The following INAVA variants were observed in gnomAD, a reference collection of about 807,000 sequenced individuals.
INAVA encodes the protein innate immunity activator protein.
Under a neutral mutation model 55.3 loss-of-function variants are expected in INAVA, and 32 were observed. The ratio of observed to expected loss-of-function variants is 0.58; its 90% CI spans 0.44 to 0.78. INAVA has a LOEUF of 0.78. Among genes scored for constraint, INAVA ranks in the 30% least tolerant of loss-of-function variants. The pLI, the probability that INAVA is intolerant of heterozygous loss-of-function variation, is 0.00. For missense variants in INAVA, 756 were observed against 786.4 expected (o/e 0.96, Z 0.46); for synonymous variants, 294 against 329.4 (o/e 0.89, Z 1.16).
chr1:200,896,058 G>C (rs547066993), intron 1 of INAVA, among the ~76,000 whole-genome samples: 1 of 152,182 alleles, frequency 6.6e-6, no homozygotes, highest in Non-Finnish European at 1.5e-5. Flanking sequence ...AGAAGGGGAA[G>C]CTGGCGGAGA....
At chr1:200,911,038 A>G (rs1653691925) in intron 8 of INAVA, among the ~76,000 whole-genome samples, 1 of 136,700 alleles carries the variant, frequency 7.3e-6, no homozygotes, top group Non-Finnish European at 1.7e-5. Flanking sequence ...CTTTAAAAAA[A>G]GTAGTTAATG....
Position 200,907,867 on chromosome 1 carries a change from A to G in INAVA, c.554A>G (p.Asp185Gly). 2 of 1,612,704 alleles carry G rather than the reference A, an allele frequency of 1.2e-6. No individual in the cohort carries two copies. Among genetic ancestry groups the G allele is most frequent in the Non-Finnish European group, 1.7e-6 (2 of 1,179,022 alleles). Residue 185 changes from aspartate to glycine, a missense_variant, in exon 6 of 10, where the codon GAT (aspartate) becomes GGT (glycine). By Grantham distance (94) the Asp-to-Gly change is moderately conservative (BLOSUM62 -1). Transcript: ENST00000413687. ...GCCTCTGATGACAGCTCCCTGTCAGATGGGCTCCTCCTGGAGGAAGGTGAG... is the reference window on the plus strand; with the variant it reads ...GCCTCTGATGACAGCTCCCTGTCAGGTGGGCTCCTCCTGGAGGAAGGTGAG... ...LSASDDSSLSDGLLLEEEESQ... is the reference protein window; with the variant it reads ...LSASDDSSLSGGLLLEEEESQ...
Position 200,895,587 on chromosome 1 carries a change from TAGACACTTAAGA to T in INAVA, c.-95+501_-95+512del, listed in dbSNP as rs550041193. On this transcript the variant is annotated intron_variant, in intron 1 of 9. Coordinates refer to ENST00000413687, the MANE Select transcript of INAVA (RefSeq NM_001142569.3). Reference sequence around the variant, plus strand: ...CTGCCTTTATCTAAAAGCAATGCCTTAGACACTTAAGACTCATAGCCTCCTGGGTGGGGGTGG... The same window carrying T: ...CTGCCTTTATCTAAAAGCAATGCCTTCTCATAGCCTCCTGGGTGGGGGTGG... Among the ~76,000 whole-genome samples, 187 of 152,162 alleles carry T rather than the reference TAGACACTTAAGA, an allele frequency of 1.2e-3. 5 individuals carry two copies. Among genetic ancestry groups the T allele is most frequent in the South Asian group, 4.6e-3 (22 of 4,820 alleles).
At chr1:200,908,984 G>C (rs370988462) in intron 7 of INAVA, 44 bp downstream of exon 7, 14 of 1,574,642 alleles carry the variant, frequency 8.9e-6, no homozygotes, top group Non-Finnish European at 1.2e-5. Context: ...AGGGCAGGGA[G>C]TCGGTGGGAG....
At chr1:200,909,684 GATT>G (rs1274419741) in intron 8 of INAVA, among the ~76,000 whole-genome samples, 1 of 152,234 alleles carries the variant, frequency 6.6e-6, no homozygotes. Context: ...TGTGCTGGTA[GATT>G]ATTATTGGTC....
At chr1:200,911,289 T>G (rs1653710195) in intron 8 of INAVA, among the ~76,000 whole-genome samples, 164 bp from the exon 9 acceptor site, 1 of 151,882 alleles carries the variant, frequency 6.6e-6, no homozygotes, top group South Asian at 2.1e-4. Flanking sequence ...GGCAGAGGGT[T>G]TGTTGGTTTG....
intron 6 of INAVA, 42 bp downstream of exon 6, chr1:200,907,929 C>G (rs1441739379): frequency 6.5e-7 from 1 of 1,537,404 alleles, no homozygotes; most frequent in Non-Finnish European, 9.0e-7. Flanking sequence ...GGCTGGACTC[C>G]TACTGCAAGA....
upstream of INAVA, among the ~76,000 whole-genome samples, chr1:200,892,444 A>G (rs1002620196): frequency 4.1e-4 from 62 of 152,180 alleles, no homozygotes; most frequent in Non-Finnish European, 7.2e-4. Flanking sequence ...GGATGGCTAC[A>G]GCGCTGGGGA....
chr1:200,897,053 G>A (rs531823435), intron 1 of INAVA, among the ~76,000 whole-genome samples: 2 of 152,364 alleles, frequency 1.3e-5, no homozygotes, highest in East Asian at 3.9e-4. Flanking sequence ...GGCCAGCTGG[G>A]ACCCCAACCA....
chr1:200,907,065 A>C (rs1044885046), intron 5 of INAVA, among the ~76,000 whole-genome samples: 1 of 152,074 alleles, frequency 6.6e-6, no homozygotes, highest in African/African-American at 2.4e-5. Flanking sequence ...GGCTTAAGCC[A>C]TCTGCTGCCT....
At chr1:200,901,718 A>G (rs1449476158) in intron 5 of INAVA, among the ~76,000 whole-genome samples, 1 of 152,186 alleles carries the variant, frequency 6.6e-6, no homozygotes, top group Non-Finnish European at 1.5e-5. Flanking sequence ...GCCACACCCC[A>G]CAGCCCCTTA....
Position 200,911,856 on chromosome 1 carries a change from G to T in INAVA, c.1363G>T (p.Ala455Ser), listed in dbSNP as rs766204092. ...GCCTGGCGAGTGGGAGCTGCGCCGCGCAGCCCCGGGCCCTGCTTACGAGGA... is the reference window on the plus strand; with the variant it reads ...GCCTGGCGAGTGGGAGCTGCGCCGCTCAGCCCCGGGCCCTGCTTACGAGGA... ...LPPGEWELRR[A>S]APGPAYEEEG... Residue 455 changes from alanine (A) to serine (S), a missense_variant, in exon 9 of 10, where the codon GCA becomes TCA. This residue lies in a region of INAVA where 639 missense variants were observed against 624.3 expected (regional missense o/e 1.02). Coordinates refer to ENST00000413687, the MANE Select transcript of INAVA (RefSeq NM_001142569.3). The T allele has an allele frequency of 2.4e-5, 38 of 1,592,758 alleles. 1 individual carries two copies. The South Asian group carries it at 4.2e-4, about 18-fold the overall frequency.
rs1334873593 is a variant in INAVA at position 200,911,910 on chromosome 1, C to T, written c.1417C>T (p.Leu473=). The change falls in exon 9 of 10, where the codon CTG becomes TTG. Residue 473 remains leucine (L), a synonymous_variant. Coordinates refer to ENST00000413687, the MANE Select transcript of INAVA (RefSeq NM_001142569.3). The part of the protein sequence containing the change: ...EEGTPLRYQR[L]VPSRSRIVRT... ...GGGCACTCCCCTGCGCTACCAGCGTCTGGTGCCCTCCCGCAGCCGCATCGT... is the reference window on the plus strand; with the variant it reads ...GGGCACTCCCCTGCGCTACCAGCGTTTGGTGCCCTCCCGCAGCCGCATCGT... 2 of 1,579,400 alleles carry T rather than the reference C, an allele frequency of 1.3e-6. No individual in the cohort carries two copies. The highest frequency in any genetic ancestry group is 4.6e-5 in the East Asian group (2 of 43,514).
In INAVA at chr1:200,899,709, G is replaced by C. The variant is rs1653147718; in HGVS notation, c.180+112G>C. The C allele has an allele frequency of 2.7e-6, 4 of 1,464,622 alleles. No homozygotes were observed. The African/African-American group carries it at 4.2e-5, about 15-fold the overall frequency. The allele number at this position is 1,464,622 out of a possible 1,614,324, so 90.7% of individuals were successfully genotyped here. ...GAGCCCCATTCTTGAGGGAATTCTG[G>C]ACATCAGGCTGGGGGCTGGGGCCCA... On this transcript the variant is annotated intron_variant, in intron 3 of 9. Transcript: ENST00000413687.
chr1:200,907,326 G>A (rs1653533654), intron 5 of INAVA, among the ~76,000 whole-genome samples: 1 of 152,038 alleles, frequency 6.6e-6, no homozygotes, highest in Non-Finnish European at 1.5e-5. Context: ...CTGTCTCCTA[G>A]CTCTGCCTTC....
In INAVA at chr1:200,913,954, T is replaced by C; in HGVS notation, c.*325T>C. On this transcript the variant is annotated 3_prime_UTR_variant, in exon 10 of 10. Coordinates refer to ENST00000413687, the MANE Select transcript of INAVA (RefSeq NM_001142569.3). Reference sequence around the variant, plus strand: ...GTGGCAGGGGACGAGTGAAGCAGAGTGAGCCACCTTGGGAGTTCTCCAACG... The same window carrying C: ...GTGGCAGGGGACGAGTGAAGCAGAGCGAGCCACCTTGGGAGTTCTCCAACG... 7 of 284,992 alleles carry C rather than the reference T, an allele frequency of 2.5e-5. No individual in the cohort carries two copies. In the South Asian group the frequency reaches 3.9e-4, roughly 16 times the overall value. 17.7% of individuals were successfully genotyped at this position (284,992 alleles called of 1,614,324 possible). A position where few individuals can be genotyped will look rare whatever the true frequency, so the allele number is the denominator to read the frequency against.
At chr1:200,906,181 T>C (rs1181197525) in intron 5 of INAVA, 2 of 152,184 alleles carry the variant, frequency 1.3e-5, no homozygotes, top group Non-Finnish European at 2.9e-5. Flanking sequence ...CAGTTGAAAA[T>C]GTTTCGTGAG....
chr1:200,901,240 C>A, intron 5 of INAVA, 81 bp downstream of exon 5: 1 of 1,332,046 alleles, frequency 7.5e-7, no homozygotes, highest in Non-Finnish European at 9.9e-7. Flanking sequence ...CGTGCCACTG[C>A]CTTTGCATTT....
chr1:200,911,452 G>A lies in INAVA; in HGVS notation c.960-1G>A. ...CAGAATGCCTCTCTTTCCCTCTTCA[G>A]GGTGGATTCCTTCCGGGCGGGTCCT... On this transcript the variant is annotated splice_acceptor_variant, in intron 8 of 9. Transcript: ENST00000413687. LOFTEE classifies it high-confidence loss of function. 2.5e-6 allele frequency: 4 copies of A among 1,610,354 alleles called. No individual in the cohort carries two copies. Among genetic ancestry groups the A allele is most frequent in the Non-Finnish European group, 3.4e-6 (4 of 1,177,530 alleles).
Sources: gnomAD v4.1 joint callset for allele counts (sites outside exome capture counted in the v4.1 genomes callset) on GRCh38, gnomAD v4.1.1 for gene constraint, gnomAD v4.1.1 regional missense constraint, MANE v1.5 for transcripts, NCBI Gene and HGNC (gene_info 2026-07-23, HGNC 2026-07-21) for gene names.